PRCP: variants seen among roughly 807,000 people sequenced by gnomAD.
PRCP encodes the protein lysosomal Pro-X carboxypeptidase.
A neutral mutation model predicts 54.2 loss-of-function variants in PRCP; 46 were observed. That is an observed-to-expected ratio of 0.85 (90% CI 0.67 to 1.09). The LOEUF (loss-of-function observed/expected upper bound fraction) is 1.09. Among genes scored for constraint, PRCP ranks in the 50% least tolerant of loss-of-function variants. The probability of loss-of-function intolerance (pLI) is 0.00; values close to 1 mark genes in which losing one functional copy is unlikely to be tolerated. For synonymous variants in PRCP, 240 were observed against 212.2 expected, an observed-to-expected ratio of 1.13 and a Z score of -1.14; for missense variants, 613 against 596.8, an observed-to-expected ratio of 1.03 and a Z score of -0.28.
intron 1 of PRCP, among the ~76,000 whole-genome samples, chr11:82,898,802 A>G (rs1237812840): frequency 6.6e-6 from 1 of 152,192 alleles, no homozygotes; most frequent in African/African-American, 2.4e-5. Flanking sequence ...GCTAAAATTA[A>G]AATGTTTTCT....
chr11:82,863,947 A>G (rs1859271705), intron 1 of PRCP, among the ~76,000 whole-genome samples: 1 of 152,246 alleles, frequency 6.6e-6, no homozygotes. Context: ...AGCCTCGGGC[A>G]AATTACTTAA....
At chr11:82,843,606 C>T (rs1031265544) in intron 6 of PRCP, among the ~76,000 whole-genome samples, 1 of 152,214 alleles carries the variant, frequency 6.6e-6, no homozygotes, top group Non-Finnish European at 1.5e-5. Flanking sequence ...ACTCAACACC[C>T]AGGTATCCCT....
chr11:82,898,043 T>A (rs950673437), intron 1 of PRCP, among the ~76,000 whole-genome samples: 35 of 152,172 alleles, frequency 2.3e-4, no homozygotes, highest in Non-Finnish European at 2.2e-4. Flanking sequence ...TAAAGTTGAG[T>A]TCACACATAG....
chr11:82,895,872 A>T (rs1225459200), intron 1 of PRCP, among the ~76,000 whole-genome samples: 1 of 152,198 alleles, frequency 6.6e-6, no homozygotes, highest in Non-Finnish European at 1.5e-5. Context: ...ACTATAAAGG[A>T]TGTACATAAA....
chr11:82,848,263 C>T (rs929761490), intron 6 of PRCP, among the ~76,000 whole-genome samples: 8 of 152,142 alleles, frequency 5.3e-5, no homozygotes, highest in African/African-American at 1.9e-4. Context: ...AAGGAAAGCT[C>T]TTTACAAAGA....
chr11:82,845,320 C>T (rs1858781531), intron 6 of PRCP, among the ~76,000 whole-genome samples: 1 of 151,090 alleles, frequency 6.6e-6, no homozygotes, highest in Non-Finnish European at 1.5e-5. Context: ...TATGAGAGTA[C>T]ACATTTAAAT....
chr11:82,849,822 A>T, intron 5 of PRCP, 92 bp downstream of exon 5: 1 of 1,164,434 alleles, frequency 8.6e-7, no homozygotes, highest in Non-Finnish European at 1.1e-6. Flanking sequence ...TTATACTTTA[A>T]CAAAATGTTT....
chr11:82,900,513 T>G (rs1860255081), upstream of PRCP: 2 of 1,434,946 alleles, frequency 1.4e-6, no homozygotes, highest in Non-Finnish European at 1.9e-6. Flanking sequence ...AAACAGCTCC[T>G]CCCAGGGGAA....
At chr11:82,901,103 A>G (rs139252782), upstream of PRCP, among the ~76,000 whole-genome samples, 1 of 152,244 alleles carries the variant, frequency 6.6e-6, no homozygotes, top group Non-Finnish European at 1.5e-5. Context: ...GTCCAGGTCC[A>G]AAGACTGTGC....
Position 82,824,976 on chromosome 11 carries a change from C to G in PRCP, c.1421G>C (p.Arg474Pro). 1.2e-6 allele frequency: 2 copies of G among 1,614,038 alleles called. No individual in the cohort carries two copies. The highest frequency in any genetic ancestry group is 1.7e-6 in the Non-Finnish European group (2 of 1,179,974). The change falls in exon 9 of 9, where the codon CGC (arginine) becomes CCC (proline). Residue 474 changes from arginine (R) to proline (P), a missense_variant. Transcript: ENST00000313010. ...ALDPMSVLLARSLEVRHMKNW... is the reference protein window; with the variant it reads ...ALDPMSVLLAPSLEVRHMKNW... Reference sequence around the variant, plus strand: ...CTTCATATGTCTAACTTCCAAGGAGCGGGCTAACAGCACAGACATAGGATC... The same window carrying G: ...CTTCATATGTCTAACTTCCAAGGAGGGGGCTAACAGCACAGACATAGGATC...
chr11:82,877,657 G>A lies in PRCP; in HGVS notation c.169-17540C>T, dbSNP rs545574969. On this transcript the variant is annotated intron_variant, in intron 1 of 8. Transcript: ENST00000313010. The stretch of plus-strand genomic sequence containing the variant: ...TGCAGGTGCACAGAAGTCAAGAATT[G>A]AGGTTTGGGATCCTCTGCCTAGATT... Among the ~76,000 whole-genome samples the A allele has an allele frequency of 2.0e-5, 3 of 152,336 alleles. No individual in the cohort carries two copies. The South Asian group carries it at 6.2e-4, about 32-fold the overall frequency.
intron 2 of PRCP, among the ~76,000 whole-genome samples, chr11:82,856,172 A>T (rs1165564981): frequency 1.3e-5 from 2 of 152,150 alleles, no homozygotes; most frequent in East Asian, 1.9e-4. Flanking sequence ...CTAAATAAAA[A>T]TTTAAAATAA....
At chr11:82,843,823 C>A (rs561484138) in intron 6 of PRCP, among the ~76,000 whole-genome samples, 1 of 152,250 alleles carries the variant, frequency 6.6e-6, no homozygotes, top group East Asian at 1.9e-4. Flanking sequence ...ATATAATGAT[C>A]ATTCCCATTT....
intron 1 of PRCP, among the ~76,000 whole-genome samples, chr11:82,887,066 C>G (rs1465767008): frequency 6.6e-6 from 1 of 152,236 alleles, no homozygotes; most frequent in Non-Finnish European, 1.5e-5. Flanking sequence ...CCAACACAGC[C>G]TGGTCTTTCC....
At chr11:82,840,584 A>G (rs1442895718) in intron 6 of PRCP, 1 of 152,156 alleles carries the variant, frequency 6.6e-6, no homozygotes, top group East Asian at 1.9e-4. Context: ...ATGAGTGTTC[A>G]TTGTCCAATT....
rs1859150401 is a variant in PRCP, at chr11:82,858,920, A to T, written c.309+1057T>A. ...CAACTAAATTACTTAGATTCTTAAC[A>T]TTCCTAAGGAAATAATCAGAAATGA... On this transcript the variant is annotated intron_variant, in intron 2 of 8. Transcript: ENST00000313010. 2.6e-5 allele frequency: 4 copies of T among 152,214 alleles called. No homozygotes were observed. The South Asian group carries it at 8.3e-4, about 31-fold the overall frequency. The allele number at this position is 152,214 out of a possible 1,614,324, so 9.4% of individuals were successfully genotyped here.
rs139801712 is a variant in PRCP, at chr11:82,892,626, T to C, written c.168+7609A>G. Among the ~76,000 whole-genome samples the C allele has an allele frequency of 6.1e-3, 923 of 152,334 alleles. 5 individuals carry two copies. Among genetic ancestry groups the C allele is most frequent in the African/African-American group, 0.021 (864 of 41,568 alleles). ...ACAATTATTTTTAATTACTGAATGA[T>C]GGTATCAATAAATAAGTTCCTTTTT... On this transcript the variant is annotated intron_variant, in intron 1 of 8. Transcript: ENST00000313010.
At chr11:82,876,675 G>GT (rs1324233754) in intron 1 of PRCP, among the ~76,000 whole-genome samples, 3 of 152,182 alleles carry the variant, frequency 2.0e-5, no homozygotes, top group African/African-American at 7.2e-5. Context: ...CCGCCACCAT[G>GT]TAAGAAGCGC....
chr11:82,900,555 G>A (rs1591081237), upstream of PRCP: 1 of 1,071,512 alleles, frequency 9.3e-7, no homozygotes, highest in Non-Finnish European at 1.4e-6. Context: ...CAGAGACGCC[G>A]CCCAAGCCAG....
Sources: allele counts gnomAD v4.1 joint callset (sites outside exome capture counted in the v4.1 genomes callset), GRCh38; gene constraint gnomAD v4.1.1; transcripts MANE v1.5; gene names NCBI Gene and HGNC (gene_info 2026-07-23, HGNC 2026-07-21).